Variants in ARMH4 observed in about 807,000 individuals in gnomAD.
ARMH4 encodes armadillo-like helical domain-containing protein 4.
A neutral mutation model predicts 61.9 loss-of-function variants in ARMH4; 49 were observed. That is an observed-to-expected ratio of 0.79 (90% CI 0.63 to 1.00). The LOEUF is 1.00. Among genes scored for constraint, ARMH4 ranks in the 50% least tolerant of loss-of-function variants. The pLI is 0.00. For missense variants in ARMH4, 934 were observed against 930.0 expected (o/e 1.00, Z -0.06); for synonymous variants, 368 against 341.5 (o/e 1.08, Z -0.85).
chr14:58,120,092 C>T (rs182167219), intron 4 of ARMH4, among the ~76,000 whole-genome samples: 63 of 152,158 alleles, frequency 4.1e-4, no homozygotes, highest in African/African-American at 1.5e-3. Context: ...AGACCTACTA[C>T]ACATGTAGGC....
Position 58,004,222 on chromosome 14 carries a change from G to T in ARMH4, c.*514C>A, listed in dbSNP as rs966263592. On this transcript the variant is annotated 3_prime_UTR_variant, in exon 8 of 8. Transcript: ENST00000267485. The stretch of plus-strand genomic sequence containing the variant: ...GCTGAGAGAGCTTCTTAATGAAAAT[G>T]ATTTCATTCTGAGTTACTGCTAGTT... 2 of 152,412 alleles carry T rather than the reference G, an allele frequency of 1.3e-5. No individual in the cohort carries two copies. The highest frequency in any genetic ancestry group is 4.8e-5 in the African/African-American group (2 of 41,572). The allele number at this position is 152,412 out of a possible 1,614,324, so 9.4% of individuals were successfully genotyped here.
chr14:58,082,424 T>C (rs539637080), intron 5 of ARMH4, among the ~76,000 whole-genome samples: 12 of 152,182 alleles, frequency 7.9e-5, no homozygotes, highest in African/African-American at 2.9e-4. Flanking sequence ...CATAGATCTA[T>C]CCTATGAGTG....
Position 58,096,903 on chromosome 14 carries a change from T to C in ARMH4, c.1910A>G (p.Asp637Gly), listed in dbSNP as rs1885770824. ...CTCATCCAGCGAGTCTGCATCTTTATCTTCCTCATCTTCTTCCTCATCTTC... is the reference window on the plus strand; with the variant it reads ...CTCATCCAGCGAGTCTGCATCTTTACCTTCCTCATCTTCTTCCTCATCTTC... ...EEEDEEEDEE[D>G]KDADSLDEGL... Residue 637 changes from aspartate to glycine, a missense_variant, in exon 5 of 8, where the codon GAT becomes GGT. By Grantham distance (94) the Asp-to-Gly change is moderately conservative. Transcript: ENST00000267485. 1.2e-6 allele frequency: 2 copies of C among 1,614,024 alleles called. No homozygotes were observed. The highest frequency in any genetic ancestry group is 1.7e-6 in the Non-Finnish European group (2 of 1,180,024).
chr14:58,133,176 T>C lies in ARMH4; in HGVS notation c.1535A>G (p.Gln512Arg). Residue 512 changes from glutamine (Q) to arginine (R), a missense_variant, in exon 3 of 8, where the codon CAG becomes CGG. Coordinates refer to ENST00000267485, the MANE Select transcript of ARMH4 (RefSeq NM_001001872.4). ...CAGAGGCTCCCATCTTCTTGACAGC[T>C]GAGTAACACCAGGAACGTCAGACAC... ...SPVSDVPGVT[Q>R]LSRRWEPLAT... 6.2e-7 allele frequency: 1 copy of C among 1,614,126 alleles called. No homozygotes were observed. The highest frequency in any genetic ancestry group is 1.3e-5 in the African/African-American group (1 of 75,012).
intron 4 of ARMH4, among the ~76,000 whole-genome samples, chr14:58,099,038 T>C (rs1316754775): frequency 1.3e-5 from 2 of 152,044 alleles, no homozygotes; most frequent in African/African-American, 4.8e-5. Flanking sequence ...TGCTGATAAG[T>C]ACAATGTGAG....
At chr14:58,100,087 G>C (rs1885907886) in intron 4 of ARMH4, among the ~76,000 whole-genome samples, 1 of 152,200 alleles carries the variant, frequency 6.6e-6, no homozygotes, top group Non-Finnish European at 1.5e-5. Context: ...CCCTGAAACG[G>C]TAGGAAAAAG....
chr14:58,075,083 T>G (rs1290369974), intron 5 of ARMH4, among the ~76,000 whole-genome samples: 4 of 152,264 alleles, frequency 2.6e-5, no homozygotes, highest in Middle Eastern at 6.8e-3. Flanking sequence ...TGGCGATCAT[T>G]AAAAAGTCAG....
chr14:58,120,465 C>CT (rs1886688596), intron 4 of ARMH4, among the ~76,000 whole-genome samples: 1 of 152,124 alleles, frequency 6.6e-6, no homozygotes, highest in African/African-American at 2.4e-5. Context: ...TCTCCTGACT[C>CT]TTACTTAGAG....
At position 58,111,391 on chromosome 14, in the gene ARMH4, TC is replaced by T. The variant is rs1313684775; in HGVS notation, c.1832-14411del. 2.0e-5 allele frequency among the ~76,000 whole-genome samples: 3 copies of T among 152,134 alleles called. No homozygotes were observed. The East Asian group carries it at 5.8e-4, about 29-fold the overall frequency. On this transcript the variant is annotated intron_variant, in intron 4 of 7. Transcript: ENST00000267485. ...ATAAAAATCCAATATGCACACAATG[TC>T]CAAAAAGAAAAAAACAAAATCTAAG...
rs150699824 is a variant in ARMH4, at chr14:58,147,507, A to G, written c.-57+4568T>C. 8.6e-3 allele frequency among the ~76,000 whole-genome samples: 1,311 copies of G among 151,968 alleles called. 21 individuals are homozygous for G. Among genetic ancestry groups the G allele is most frequent in the African/African-American group, 0.03 (1,240 of 41,422 alleles). On this transcript the variant is annotated intron_variant, in intron 1 of 7. Transcript: ENST00000267485. ...TTTGTGTGTTTTTAGTAGAGACGGC[A>G]TTTCACCATGTTGGCCAGGATGGTC...
intron 5 of ARMH4, among the ~76,000 whole-genome samples, chr14:58,027,727 A>G (rs1883071096): frequency 6.6e-6 from 1 of 152,214 alleles, no homozygotes; most frequent in Admixed American, 6.5e-5. Context: ...TAATAATAAT[A>G]AAGGGGACAA....
intron 5 of ARMH4, among the ~76,000 whole-genome samples, chr14:58,023,717 C>A (rs1211675845): frequency 6.6e-6 from 1 of 152,098 alleles, no homozygotes; most frequent in African/African-American, 2.4e-5. Context: ...GCAGTTATAG[C>A]CTTATGAAAT....
intron 1 of ARMH4, among the ~76,000 whole-genome samples, chr14:58,146,455 G>C (rs1392810674): frequency 1.3e-5 from 2 of 152,126 alleles, no homozygotes; most frequent in Admixed American, 1.3e-4. Flanking sequence ...GCTTTGAATA[G>C]CTTAAAAAGC....
At chr14:58,146,917 G>A (rs1446949094) in intron 1 of ARMH4, among the ~76,000 whole-genome samples, 3 of 152,158 alleles carry the variant, frequency 2.0e-5, no homozygotes, top group Admixed American at 6.5e-5. Flanking sequence ...AATGAGCATC[G>A]CCCCAAGAGT....
At chr14:58,012,346 C>T (rs1336614203) in intron 5 of ARMH4, among the ~76,000 whole-genome samples, 196 bp from the exon 6 acceptor site, 1 of 152,174 alleles carries the variant, frequency 6.6e-6, no homozygotes, top group African/African-American at 2.4e-5. Context: ...AAACATCCCT[C>T]ATATCATTAT....
intron 5 of ARMH4, among the ~76,000 whole-genome samples, chr14:58,032,139 T>G (rs894604961): frequency 3.3e-5 from 5 of 152,072 alleles, no homozygotes; most frequent in Admixed American, 2.6e-4. Context: ...CGGAGAGGTC[T>G]GTTCTGGGCC....
chr14:58,039,207 G>A (rs1410067486), intron 5 of ARMH4, among the ~76,000 whole-genome samples: 2 of 152,172 alleles, frequency 1.3e-5, no homozygotes, highest in Non-Finnish European at 2.9e-5. Flanking sequence ...CTTTCTCTCA[G>A]TCCTCCTTTC....
chr14:58,098,826 G>GGTA lies in ARMH4; in HGVS notation c.1832-1848_1832-1846dup, dbSNP rs1275071188. On this transcript the variant is annotated intron_variant, in intron 4 of 7. Coordinates refer to ENST00000267485, the MANE Select transcript of ARMH4 (RefSeq NM_001001872.4). ...TATTTCAATAGGTTTTTGGGGAACA[G>GGTA]GTAGTACTGACTTATATTTTTAAAG... Among the ~76,000 whole-genome samples, 3 of 151,980 alleles carry GGTA rather than the reference G, an allele frequency of 2.0e-5. No individual in the cohort carries two copies. In the East Asian group the frequency reaches 5.8e-4, roughly 29 times the overall value.
chr14:58,012,867 A>AG (rs1002219043), intron 5 of ARMH4, among the ~76,000 whole-genome samples: 3 of 152,206 alleles, frequency 2.0e-5, no homozygotes, highest in Admixed American at 2.0e-4. Flanking sequence ...AGTAGAAGGA[A>AG]GCATCAATTT....
Sources: allele counts gnomAD v4.1 joint callset (sites outside exome capture counted in the v4.1 genomes callset), GRCh38; gene constraint gnomAD v4.1.1; transcripts MANE v1.5; gene names NCBI Gene and HGNC (gene_info 2026-07-23, HGNC 2026-07-21).